Variants in FOXP2 observed in about 807,000 individuals in gnomAD.
The protein encoded by FOXP2 is forkhead box protein P2.
FOXP2 carries 12 observed loss-of-function variants against 115.8 expected under a neutral mutation model. That is an observed-to-expected ratio of 0.10 (90% confidence interval 0.07 to 0.17). FOXP2 has a LOEUF of 0.17. Ranked by LOEUF, FOXP2 falls within the 10% of genes least tolerant of loss-of-function variation. The pLI, the probability that FOXP2 is intolerant of heterozygous loss-of-function variation, is 1.00. For missense variants in FOXP2, 629 were observed against 843.5 expected, an observed-to-expected ratio of 0.75 and a Z score of 3.15; for synonymous variants, 328 against 297.7, an observed-to-expected ratio of 1.10 and a Z score of -1.05.
At chr7:114,664,615 T>G in intron 16 of FOXP2, 179 bp downstream of exon 16, 1 of 685,914 alleles carries the variant, frequency 1.5e-6, no homozygotes, top group South Asian at 1.8e-5. Flanking sequence ...AATACATTTT[T>G]TAGATGATCT....
intron 1 of FOXP2, among the ~76,000 whole-genome samples, chr7:114,214,630 G>T (rs1794442870): frequency 6.6e-6 from 1 of 152,168 alleles, no homozygotes; most frequent in African/African-American, 2.4e-5. Context: ...TCAGGCTGGT[G>T]TGGAGGGCCA....
At chr7:114,425,063 T>C (rs1017699635) in intron 1 of FOXP2, among the ~76,000 whole-genome samples, 3 of 151,594 alleles carry the variant, frequency 2.0e-5, no homozygotes. Context: ...GGTATGTCTG[T>C]GATTCTTTTT....
At chr7:114,233,505 T>G (rs186842108) in intron 1 of FOXP2, among the ~76,000 whole-genome samples, 29 of 152,344 alleles carry the variant, frequency 1.9e-4, no homozygotes, top group African/African-American at 6.7e-4. Flanking sequence ...ATTCAACTTG[T>G]GCTTCCATGA....
chr7:114,492,138 GGGA>G (rs1797090659), intron 2 of FOXP2, among the ~76,000 whole-genome samples: 1 of 152,084 alleles, frequency 6.6e-6, no homozygotes, highest in South Asian at 2.1e-4. Context: ...GTTTAGTCTT[GGGA>G]GGGTGTATGT....
chr7:114,237,976 TCAAA>T (rs1006648523), intron 1 of FOXP2, among the ~76,000 whole-genome samples: 12 of 152,082 alleles, frequency 7.9e-5, no homozygotes, highest in Non-Finnish European at 1.5e-4. Context: ...AGACTGCATC[TCAAA>T]CAAACAAACA....
intron 1 of FOXP2, among the ~76,000 whole-genome samples, chr7:114,235,707 T>G (rs1794991227): frequency 6.6e-6 from 1 of 152,184 alleles, no homozygotes; most frequent in Admixed American, 6.6e-5. Context: ...GTTGGCAAGT[T>G]TGGTTAAGCC....
chr7:114,307,663 C>T (rs1389264785), intron 2 of FOXP2, among the ~76,000 whole-genome samples: 1 of 152,140 alleles, frequency 6.6e-6, no homozygotes, highest in African/African-American at 2.4e-5. Flanking sequence ...GCTATGATTG[C>T]CATACATTTC....
intron 1 of FOXP2, among the ~76,000 whole-genome samples, chr7:114,417,781 C>T (rs551727187): frequency 2.9e-4 from 44 of 151,900 alleles, no homozygotes; most frequent in Admixed American, 5.9e-4. Flanking sequence ...ATTAAATATA[C>T]GAACTATGAA....
At chr7:114,498,131 G>A (rs886605117) in intron 2 of FOXP2, among the ~76,000 whole-genome samples, 2 of 152,044 alleles carry the variant, frequency 1.3e-5, no homozygotes, top group African/African-American at 4.8e-5. Context: ...TTAATATAGA[G>A]GTTTTCTTTC....
At chr7:114,364,696 C>T (rs1325805129) in intron 2 of FOXP2, among the ~76,000 whole-genome samples, 2 of 152,070 alleles carry the variant, frequency 1.3e-5, no homozygotes, top group Non-Finnish European at 2.9e-5. Context: ...TTTCCATAAA[C>T]GGTATGGATT....
At chr7:114,475,475 G>A (rs1000656764) in intron 2 of FOXP2, among the ~76,000 whole-genome samples, 5 of 151,894 alleles carry the variant, frequency 3.3e-5, no homozygotes, top group African/African-American at 1.2e-4. Context: ...TGTTATATGG[G>A]GCCCCTTTGC....
At chr7:114,212,296 C>T (rs1421029717) in intron 1 of FOXP2, among the ~76,000 whole-genome samples, 1 of 151,718 alleles carries the variant, frequency 6.6e-6, no homozygotes, top group African/African-American at 2.4e-5. Flanking sequence ...ATTGAACTGA[C>T]ATTTTATTTC....
chr7:114,261,616 T>G, intron 1 of FOXP2, among the ~76,000 whole-genome samples: 1 of 152,196 alleles, frequency 6.6e-6, no homozygotes, highest in Non-Finnish European at 1.5e-5. Context: ...CTCATCTGTT[T>G]GTCATCTGTA....
chr7:114,365,890 C>A (rs1791867573), intron 2 of FOXP2, among the ~76,000 whole-genome samples: 1 of 152,076 alleles, frequency 6.6e-6, no homozygotes, highest in African/African-American at 2.4e-5. Flanking sequence ...TTTAATTCTT[C>A]AGATTTTTTT....
intron 1 of FOXP2, among the ~76,000 whole-genome samples, chr7:114,255,954 G>A (rs1359777243): frequency 6.6e-6 from 1 of 152,166 alleles, no homozygotes; most frequent in Non-Finnish European, 1.5e-5. Flanking sequence ...CTAGGTCTTT[G>A]AGGAATCACC....
At chr7:114,530,257 A>G (rs530236590) in intron 2 of FOXP2, among the ~76,000 whole-genome samples, 2 of 152,058 alleles carry the variant, frequency 1.3e-5, no homozygotes, top group South Asian at 4.1e-4. Context: ...TAAGAAGCCT[A>G]GGCAACAGTG....
chr7:114,227,544 CTG>C (rs1451021680), intron 1 of FOXP2, among the ~76,000 whole-genome samples: 4 of 18,478 alleles, frequency 2.2e-4, no homozygotes, highest in Non-Finnish European at 4.3e-4. Context: ...TCTTGAATAC[CTG>C]TCTTTCTAGA....
At chr7:114,181,259 A>G (rs1454835028) in intron 1 of FOXP2, among the ~76,000 whole-genome samples, 1 of 134,348 alleles carries the variant, frequency 7.4e-6, no homozygotes, top group Non-Finnish European at 1.6e-5. Flanking sequence ...CTTTTAATGG[A>G]TTTTATCCTA....
chr7:114,091,999 T>C lies in FOXP2; in HGVS notation c.-247+4161T>C, dbSNP rs550643950. ...TACCTTCCCATTATATTGATAAGTA[T>C]AATATGTTATACAGAACTGATTCTT... On this transcript the variant is annotated intron_variant, in intron 1 of 19. Transcript: ENST00000635638. 3.8e-4 allele frequency among the ~76,000 whole-genome samples: 58 copies of C among 152,124 alleles called. 1 individual carries two copies. Among genetic ancestry groups the C allele is most frequent in the South Asian group, 3.5e-3 (17 of 4,834 alleles).
Sources: gnomAD v4.1 joint callset for allele counts (sites outside exome capture counted in the v4.1 genomes callset) on GRCh38, gnomAD v4.1.1 for gene constraint, MANE v1.5 for transcripts, NCBI Gene and HGNC (gene_info 2026-07-23, HGNC 2026-07-21) for gene names.